The following DCAF1 variants were observed in gnomAD, a reference collection of about 807,000 sequenced individuals.
DCAF1 encodes DDB1- and CUL4-associated factor 1.
A neutral mutation model predicts 128.0 loss-of-function variants in DCAF1; 15 were observed. That is an observed-to-expected ratio of 0.12 (90% confidence interval 0.08 to 0.18). The LOEUF is 0.18. Among genes scored for constraint, DCAF1 ranks in the 10% least tolerant of loss-of-function variants. The probability of loss-of-function intolerance (pLI) is 1.00; values close to 1 mark genes in which losing one functional copy is unlikely to be tolerated. For synonymous variants in DCAF1, 610 were observed against 603.0 expected, an observed-to-expected ratio of 1.01 and a Z score of -0.17; for missense variants, 988 against 1,649.5, an observed-to-expected ratio of 0.60 and a Z score of 6.95.
intron 6 of DCAF1, among the ~76,000 whole-genome samples, chr3:51,461,505 G>A (rs1387115331): frequency 1.3e-5 from 2 of 152,024 alleles, no homozygotes; most frequent in African/African-American, 4.8e-5. Context: ...TCAGTGTGGC[G>A]ATTCCTCAGG....
At chr3:51,480,924 ATG>A (rs1553652598) in intron 3 of DCAF1, among the ~76,000 whole-genome samples, 1 of 152,166 alleles carries the variant, frequency 6.6e-6, no homozygotes, top group East Asian at 1.9e-4. Flanking sequence ...GTCTCCTCAA[ATG>A]ATGATCTACC....
At position 51,436,531 on chromosome 3, in the gene DCAF1, AG is replaced by A. The variant is rs1191079395; in HGVS notation, c.1129-3268del. 2.2e-5 allele frequency: 10 copies of A among 449,468 alleles called. 1 individual carries two copies. The East Asian group carries it at 5.7e-4, about 26-fold the overall frequency. The allele number at this position is 449,468 out of a possible 1,614,324, so 27.8% of individuals were successfully genotyped here. A position where few individuals can be genotyped will look rare whatever the true frequency, so the allele number is the denominator to read the frequency against. ...CAGGGTGAAAAAGCTACCCTATGCT[AG>A]GATAGACTGTATACCAATAATTTTG... On this transcript the variant is annotated intron_variant, in intron 9 of 24. Transcript: ENST00000684031.
chr3:51,431,045 T>C (rs1700321611), intron 10 of DCAF1, among the ~76,000 whole-genome samples: 1 of 151,980 alleles, frequency 6.6e-6, no homozygotes, highest in African/African-American at 2.4e-5. Context: ...CCAGGTGTGG[T>C]GGTGTGCCCT....
At chr3:51,452,870 C>A (rs1276817552) in intron 6 of DCAF1, among the ~76,000 whole-genome samples, 2 of 151,886 alleles carry the variant, frequency 1.3e-5, no homozygotes, top group African/African-American at 4.8e-5. Context: ...TAAAAATTAG[C>A]CGGGCGTGGT....
intron 17 of DCAF1, among the ~76,000 whole-genome samples, chr3:51,417,349 G>A (rs1553630746): frequency 6.6e-6 from 1 of 152,188 alleles, no homozygotes; most frequent in Non-Finnish European, 1.5e-5. Flanking sequence ...AGCCTGGGAG[G>A]TGGAGGTTGC....
At chr3:51,470,874 TAA>T (rs1704658018) in intron 4 of DCAF1, 53 bp downstream of exon 4, 8 of 1,329,148 alleles carry the variant, frequency 6.0e-6, no homozygotes, top group Admixed American at 2.3e-5. Flanking sequence ...CTCGCTTTAA[TAA>T]AAGTGTCTTA....
intron 13 of DCAF1, among the ~76,000 whole-genome samples, chr3:51,426,070 T>A (rs1462292383): frequency 6.6e-6 from 1 of 152,086 alleles, no homozygotes; most frequent in Non-Finnish European, 1.5e-5. Context: ...AGTAAGAGAG[T>A]CTTCCAGAGA....
intron 13 of DCAF1, among the ~76,000 whole-genome samples, chr3:51,426,546 T>G (rs1553634101): frequency 6.6e-6 from 1 of 152,174 alleles, no homozygotes; most frequent in Non-Finnish European, 1.5e-5. Flanking sequence ...ACATTTTCTG[T>G]TTTAATTTCT....
chr3:51,454,683 G>T (rs1011914089), intron 6 of DCAF1, among the ~76,000 whole-genome samples: 1 of 150,650 alleles, frequency 6.6e-6, no homozygotes, highest in Non-Finnish European at 1.5e-5. Context: ...GTTTTGTTTT[G>T]TTTTTTTTGA....
At chr3:51,438,199 A>G (rs570326224) in intron 9 of DCAF1, 71 of 316,354 alleles carry the variant, frequency 2.2e-4, no homozygotes, top group South Asian at 1.9e-3. Context: ...GTTTTTCATG[A>G]AAATCCTTAT....
At chr3:51,475,828 T>C (rs2108291706) in intron 3 of DCAF1, among the ~76,000 whole-genome samples, 1 of 151,358 alleles carries the variant, frequency 6.6e-6, no homozygotes, top group East Asian at 2.0e-4. Flanking sequence ...GCCATCGCAC[T>C]CCAGCCTGGG....
At chr3:51,449,321 C>T (rs1262741544) in intron 6 of DCAF1, among the ~76,000 whole-genome samples, 1 of 152,184 alleles carries the variant, frequency 6.6e-6, no homozygotes, top group African/African-American at 2.4e-5. Flanking sequence ...GATTCTCCTG[C>T]CTCAACCTCC....
intron 13 of DCAF1, among the ~76,000 whole-genome samples, chr3:51,425,367 G>C (rs1234155722): frequency 6.6e-6 from 1 of 151,932 alleles, no homozygotes; most frequent in African/African-American, 2.4e-5. Flanking sequence ...AGCTACTTCA[G>C]AGACTGAGGC....
upstream of DCAF1, among the ~76,000 whole-genome samples, chr3:51,502,478 GC>G (rs1409538617): frequency 6.6e-6 from 1 of 152,062 alleles, no homozygotes; most frequent in African/African-American, 2.4e-5. Flanking sequence ...GATTGCTTGA[GC>G]TTGGGAGGTT....
At chr3:51,439,900 G>A (rs1425056085) in intron 9 of DCAF1, among the ~76,000 whole-genome samples, 1 of 152,048 alleles carries the variant, frequency 6.6e-6, no homozygotes, top group Non-Finnish European at 1.5e-5. Flanking sequence ...GGCTGAGGCA[G>A]GAGAATTGCT....
chr3:51,427,991 A>G (rs1208008409), intron 12 of DCAF1, among the ~76,000 whole-genome samples: 1 of 152,088 alleles, frequency 6.6e-6, no homozygotes, highest in Non-Finnish European at 1.5e-5. Context: ...TTAAATAATA[A>G]TACCTTTCAA....
chr3:51,429,692 A>G (rs1168002139), intron 11 of DCAF1, among the ~76,000 whole-genome samples: 1 of 152,200 alleles, frequency 6.6e-6, no homozygotes, highest in Non-Finnish European at 1.5e-5. Flanking sequence ...ATATGAAAGC[A>G]AAACATTAAA....
downstream of DCAF1, chr3:51,396,807 T>G (rs1553623121): frequency 6.0e-6 from 1 of 167,156 alleles, no homozygotes; most frequent in Non-Finnish European, 1.5e-5. Flanking sequence ...CTGGCTCCGT[T>G]GAGTTAATGA....
chr3:51,417,206 T>C (rs1176872763), intron 17 of DCAF1, among the ~76,000 whole-genome samples: 1 of 151,874 alleles, frequency 6.6e-6, no homozygotes, highest in Non-Finnish European at 1.5e-5. Flanking sequence ...TTGTCTAAGC[T>C]CAGGAGTTCG....
Sources: gnomAD v4.1 joint callset for allele counts (sites outside exome capture counted in the v4.1 genomes callset) on GRCh38, gnomAD v4.1.1 for gene constraint, MANE v1.5 for transcripts, NCBI Gene and HGNC (gene_info 2026-07-23, HGNC 2026-07-21) for gene names.